Variants in GRIN2B observed in about 807,000 individuals in gnomAD.
The protein encoded by GRIN2B is glutamate ionotropic receptor NMDA type subunit 2B.
A neutral mutation model predicts 114.5 loss-of-function variants in GRIN2B; 5 were observed. That is an observed-to-expected ratio of 0.04 (90% confidence interval 0.02 to 0.09). The LOEUF is 0.09. Ranked by LOEUF, GRIN2B falls within the 10% of genes least tolerant of loss-of-function variation. GRIN2B has a pLI of 1.00. For missense variants in GRIN2B, 1,108 were observed against 1,943.5 expected (o/e 0.57, Z 8.08); for synonymous variants, 787 against 745.1 (o/e 1.06, Z -0.92).
intron 10 of GRIN2B, among the ~76,000 whole-genome samples, chr12:13,572,975 CATT>C (rs1565458356): frequency 6.7e-6 from 1 of 150,146 alleles, no homozygotes; most frequent in East Asian, 1.9e-4. Context: ...CTGATGTCAT[CATT>C]AAGAGTTTAA....
At chr12:13,663,984 T>C (rs74932198) in intron 5 of GRIN2B, among the ~76,000 whole-genome samples, 2,919 of 152,268 alleles carry the variant, frequency 0.019, 103 homozygotes, top group African/African-American at 0.066. Flanking sequence ...CAGTTTGAGG[T>C]AGGTGCTATT....
At chr12:13,838,335 G>GA (rs1285319121) in intron 3 of GRIN2B, among the ~76,000 whole-genome samples, 2 of 152,144 alleles carry the variant, frequency 1.3e-5, no homozygotes, top group South Asian at 2.1e-4. Flanking sequence ...ATTCTCTGAG[G>GA]AAAAAACCCT....
chr12:13,814,870 T>C (rs1464186226), intron 3 of GRIN2B, among the ~76,000 whole-genome samples: 6 of 152,212 alleles, frequency 3.9e-5, no homozygotes, highest in Admixed American at 2.0e-4. Flanking sequence ...CTTCAGAGCA[T>C]TGAGAGGTCC....
intron 3 of GRIN2B, among the ~76,000 whole-genome samples, chr12:13,837,076 G>T (rs1865283024): frequency 6.6e-6 from 1 of 151,974 alleles, no homozygotes. Context: ...ATTTCCACTT[G>T]CTCTGCTGTG....
intron 3 of GRIN2B, among the ~76,000 whole-genome samples, chr12:13,794,034 T>A (rs1864364637): frequency 1.4e-5 from 1 of 73,052 alleles, no homozygotes; most frequent in South Asian, 4.8e-4. Context: ...AAATCCCATC[T>A]CTACAAAAAA....
In GRIN2B at chr12:13,624,960, C is replaced by T. The variant is rs184641873; in HGVS notation, c.1126-8303G>A. Among the ~76,000 whole-genome samples, 50 of 152,260 alleles carry T rather than the reference C, an allele frequency of 3.3e-4. 1 individual carries two copies. Among genetic ancestry groups the T allele is most frequent in the Admixed American group, 2.2e-3 (34 of 15,294 alleles). Reference sequence around the variant, plus strand: ...GGGGAGGTAGAGCAGACTCACCTGCCAGGAATAGAAGTTGTTGATTCTCTC... The same window carrying T: ...GGGGAGGTAGAGCAGACTCACCTGCTAGGAATAGAAGTTGTTGATTCTCTC... On this transcript the variant is annotated intron_variant, in intron 5 of 13. Transcript: ENST00000609686.
At position 13,551,447 on chromosome 12, in the gene GRIN2B, GT is replaced by G. The variant is rs1948412262; in HGVS notation, c.*11335del. ...GGAAAATGGAGACGATAACTAGGTT[GT>G]TTCATCACAAAGAACATGCTGCCTT... On this transcript the variant is annotated 3_prime_UTR_variant, in exon 14 of 14. Transcript: ENST00000609686. The G allele has an allele frequency of 6.6e-6, 1 of 152,140 alleles. No homozygotes were observed. The highest frequency in any genetic ancestry group is 2.1e-4 in the South Asian group (1 of 4,820). The allele number at this position is 152,140 out of a possible 1,614,324, so 9.4% of individuals were successfully genotyped here.
chr12:13,898,185 A>G (rs1183201436), intron 2 of GRIN2B, among the ~76,000 whole-genome samples: 1 of 152,094 alleles, frequency 6.6e-6, no homozygotes, highest in East Asian at 1.9e-4. Context: ...ACAGGCTGCA[A>G]ATGGGAACTA....
chr12:13,570,555 T>C (rs1299928171), intron 11 of GRIN2B, among the ~76,000 whole-genome samples: 4 of 151,636 alleles, frequency 2.6e-5, no homozygotes, highest in Admixed American at 2.6e-4. Context: ...TACAGGCTTG[T>C]GTAAGAGCAG....
intron 3 of GRIN2B, among the ~76,000 whole-genome samples, chr12:13,763,819 GT>G (rs1863725715): frequency 6.6e-6 from 1 of 152,104 alleles, no homozygotes; most frequent in Non-Finnish European, 1.5e-5. Flanking sequence ...TGTGTTCAGT[GT>G]TTGATTGGTT....
chr12:13,915,975 G>A (rs1359631517), intron 2 of GRIN2B, among the ~76,000 whole-genome samples: 2 of 151,980 alleles, frequency 1.3e-5, no homozygotes, highest in African/African-American at 4.8e-5. Flanking sequence ...TTGGTTCACT[G>A]TATTTGGGGA....
intron 3 of GRIN2B, among the ~76,000 whole-genome samples, chr12:13,847,593 G>A (rs1303361718): frequency 6.6e-6 from 1 of 152,108 alleles, no homozygotes; most frequent in African/African-American, 2.4e-5. Flanking sequence ...GAAGCCGTGT[G>A]GAACAGTGGG....
chr12:13,568,012 T>A (rs924033418), intron 12 of GRIN2B, among the ~76,000 whole-genome samples: 1 of 151,746 alleles, frequency 6.6e-6, no homozygotes, highest in Admixed American at 6.6e-5. Flanking sequence ...GGCAGAGAGA[T>A]TGATTGATTC....
chr12:13,930,782 T>C (rs1177056329), intron 2 of GRIN2B, among the ~76,000 whole-genome samples: 1 of 152,004 alleles, frequency 6.6e-6, no homozygotes, highest in Non-Finnish European at 1.5e-5. Context: ...CAAGATGAAG[T>C]GCAACAGTGA....
intron 5 of GRIN2B, among the ~76,000 whole-genome samples, chr12:13,616,914 A>G (rs564055412): frequency 1.3e-5 from 2 of 152,340 alleles, no homozygotes; most frequent in African/African-American, 2.4e-5. Flanking sequence ...ATGTGCTGGC[A>G]CCCTGTTAAG....
At chr12:13,572,398 T>C (rs986890974) in intron 10 of GRIN2B, among the ~76,000 whole-genome samples, 2 of 152,224 alleles carry the variant, frequency 1.3e-5, no homozygotes, top group African/African-American at 4.8e-5. Flanking sequence ...CACTATTTTG[T>C]CCATAGGGCC....
At chr12:13,939,465 G>T (rs985462992) in intron 2 of GRIN2B, among the ~76,000 whole-genome samples, 11 of 149,454 alleles carry the variant, frequency 7.4e-5, no homozygotes, top group Non-Finnish European at 7.4e-5. Flanking sequence ...CACATAACAC[G>T]CCTGTTTCCC....
intron 4 of GRIN2B, among the ~76,000 whole-genome samples, chr12:13,751,540 G>T (rs1460548050): frequency 1.3e-5 from 2 of 152,160 alleles, no homozygotes; most frequent in East Asian, 3.9e-4. Context: ...AGGTGTCAGG[G>T]ATGTGGAACC....
At chr12:13,663,754 A>G (rs1189621855) in intron 5 of GRIN2B, among the ~76,000 whole-genome samples, 2 of 152,186 alleles carry the variant, frequency 1.3e-5, no homozygotes, top group African/African-American at 2.4e-5. Flanking sequence ...GACTAAGGCC[A>G]AAACCCAACT....
Sources: allele counts gnomAD v4.1 joint callset (sites outside exome capture counted in the v4.1 genomes callset), GRCh38; gene constraint gnomAD v4.1.1; transcripts MANE v1.5; gene names NCBI Gene and HGNC (gene_info 2026-07-23, HGNC 2026-07-21).